The following ZBTB20 variants were observed in gnomAD, a reference collection of about 807,000 sequenced individuals.
The protein encoded by ZBTB20 is zinc finger and BTB domain containing 20.
In ZBTB20, 9 loss-of-function variants were observed where a neutral mutation model predicts 56.9. That is an observed-to-expected ratio of 0.16 (90% confidence interval 0.10 to 0.28). ZBTB20 has a LOEUF of 0.28. ZBTB20 is among the 10% of genes least tolerant of loss of function. The pLI is 1.00. For missense variants in ZBTB20, 655 were observed against 1,003.0 expected (o/e 0.65, Z 4.69); for synonymous variants, 417 against 420.7 (o/e 0.99, Z 0.11).
At chr3:114,888,806 C>G (rs975583063) in intron 4 of ZBTB20, among the ~76,000 whole-genome samples, 3 of 152,124 alleles carry the variant, frequency 2.0e-5, no homozygotes, top group African/African-American at 7.2e-5. Context: ...CTAAACTCAG[C>G]TATCCTATTT....
Position 114,410,154 on chromosome 3 carries a change from T to G in ZBTB20, c.-254-21049A>C, listed in dbSNP as rs1298434966. On this transcript the variant is annotated intron_variant, in intron 7 of 11. Coordinates refer to ENST00000675478, the MANE Select transcript of ZBTB20 (RefSeq NM_001348800.3). ...AACAGGTGAGACATCAGCTGAACAA[T>G]GGATGCCAGGACATGGGAAGTGGCT... Among the ~76,000 whole-genome samples, 4 of 152,078 alleles carry G rather than the reference T, an allele frequency of 2.6e-5. No homozygotes were observed. The East Asian group carries it at 7.8e-4, about 29-fold the overall frequency.
intron 6 of ZBTB20, among the ~76,000 whole-genome samples, chr3:114,516,771 C>T (rs1017226260): frequency 6.6e-6 from 1 of 152,126 alleles, no homozygotes; most frequent in African/African-American, 2.4e-5. Flanking sequence ...GGGGCTGATG[C>T]TTCTATAAGC....
intron 7 of ZBTB20, among the ~76,000 whole-genome samples, chr3:114,486,683 C>T (rs372346607): frequency 6.6e-6 from 1 of 152,184 alleles, no homozygotes; most frequent in Non-Finnish European, 1.5e-5. Context: ...GTACCTTTCA[C>T]TCATGTTCTT....
At chr3:114,826,350 C>T (rs1408099616) in intron 4 of ZBTB20, among the ~76,000 whole-genome samples, 1 of 151,496 alleles carries the variant, frequency 6.6e-6, no homozygotes, top group African/African-American at 2.4e-5. Flanking sequence ...GTAATCTCCC[C>T]CCACAAAATT....
chr3:114,654,625 T>C (rs1233257562), intron 6 of ZBTB20, among the ~76,000 whole-genome samples: 1 of 152,096 alleles, frequency 6.6e-6, no homozygotes, highest in Non-Finnish European at 1.5e-5. Flanking sequence ...ACACATATTC[T>C]CCAGGTGGGA....
chr3:114,645,273 A>G (rs1177401267), intron 6 of ZBTB20, among the ~76,000 whole-genome samples: 1 of 152,112 alleles, frequency 6.6e-6, no homozygotes, highest in East Asian at 1.9e-4. Context: ...AATTTTCTTT[A>G]CTACCAACTG....
At chr3:114,392,507 T>C (rs967236965) in intron 7 of ZBTB20, among the ~76,000 whole-genome samples, 1 of 152,194 alleles carries the variant, frequency 6.6e-6, no homozygotes, top group African/African-American at 2.4e-5. Flanking sequence ...TCTCATGCTT[T>C]GGAAAAGCTG....
intron 5 of ZBTB20, among the ~76,000 whole-genome samples, chr3:114,754,754 A>T (rs1164196590): frequency 6.6e-6 from 1 of 152,168 alleles, no homozygotes; most frequent in Non-Finnish European, 1.5e-5. Context: ...ATATTTTTAA[A>T]ATGGTGAGAT....
chr3:114,972,500 C>A (rs1272157211), intron 3 of ZBTB20, among the ~76,000 whole-genome samples: 1 of 152,036 alleles, frequency 6.6e-6, no homozygotes, highest in Non-Finnish European at 1.5e-5. Flanking sequence ...ATATTTTTAA[C>A]TTTCAACTTC....
intron 5 of ZBTB20, among the ~76,000 whole-genome samples, chr3:114,767,626 T>C (rs1055788329): frequency 6.6e-6 from 1 of 150,844 alleles, no homozygotes; most frequent in African/African-American, 2.4e-5. Context: ...GAGAAAAAAG[T>C]GAGTTAAAAA....
intron 2 of ZBTB20, among the ~76,000 whole-genome samples, chr3:114,999,144 G>T (rs2079146546): frequency 6.9e-6 from 1 of 144,874 alleles, no homozygotes; most frequent in Non-Finnish European, 1.5e-5. Context: ...AAGGGGGAAA[G>T]GGAGAGGGAG....
chr3:114,866,627 T>C (rs572150088), intron 4 of ZBTB20, among the ~76,000 whole-genome samples: 10 of 152,264 alleles, frequency 6.6e-5, no homozygotes, highest in South Asian at 2.1e-4. Flanking sequence ...CTCCAAACAG[T>C]TGGAGGCTGG....
chr3:114,732,054 A>T (rs1190039295), intron 5 of ZBTB20, among the ~76,000 whole-genome samples: 1 of 152,188 alleles, frequency 6.6e-6, no homozygotes, highest in Non-Finnish European at 1.5e-5. Context: ...TTGTCTAGCA[A>T]GCACCACTTC....
intron 5 of ZBTB20, among the ~76,000 whole-genome samples, chr3:114,731,840 C>T (rs2065781749): frequency 1.3e-5 from 2 of 151,874 alleles, no homozygotes; most frequent in Admixed American, 6.6e-5. Context: ...GTAACTAATC[C>T]GGCTGTGCCT....
At chr3:114,501,207 C>T (rs1403106621) in intron 6 of ZBTB20, among the ~76,000 whole-genome samples, 1 of 152,166 alleles carries the variant, frequency 6.6e-6, no homozygotes, top group African/African-American at 2.4e-5. Context: ...GCTTCTCTCC[C>T]ACCAAACACA....
chr3:115,037,712 C>A (rs970416939), intron 2 of ZBTB20, among the ~76,000 whole-genome samples: 2 of 152,074 alleles, frequency 1.3e-5, no homozygotes, highest in Non-Finnish European at 2.9e-5. Flanking sequence ...GAGCTGTGAA[C>A]AAGTTAGTAG....
intron 4 of ZBTB20, among the ~76,000 whole-genome samples, chr3:114,831,142 A>G (rs1160771443): frequency 7.0e-6 from 1 of 141,992 alleles, no homozygotes; most frequent in Non-Finnish European, 1.5e-5. Context: ...ACCTTTTTAA[A>G]ATATAATGGG....
At chr3:114,912,001 A>T (rs2107712622) in intron 3 of ZBTB20, among the ~76,000 whole-genome samples, 1 of 151,994 alleles carries the variant, frequency 6.6e-6, no homozygotes, top group Non-Finnish European at 1.5e-5. Context: ...ACAAAGAGAG[A>T]TCTTGAAAGT....
At chr3:115,121,465 C>A (rs1442232391) in intron 1 of ZBTB20, among the ~76,000 whole-genome samples, 3 of 151,272 alleles carry the variant, frequency 2.0e-5, no homozygotes, top group Non-Finnish European at 3.0e-5. Context: ...GATACTCTAG[C>A]CAAAAAGATT....
Sources: allele counts gnomAD v4.1 joint callset (sites outside exome capture counted in the v4.1 genomes callset), GRCh38; gene constraint gnomAD v4.1.1; transcripts MANE v1.5; gene names NCBI Gene and HGNC (gene_info 2026-07-23, HGNC 2026-07-21).